CHRNA3: variants seen among roughly 807,000 people sequenced by gnomAD.
CHRNA3 encodes the protein cholinergic receptor nicotinic alpha 3 subunit.
CHRNA3 carries 34 observed loss-of-function variants against 41.9 expected under a neutral mutation model. That is an observed-to-expected ratio of 0.81 (90% CI 0.62 to 1.08). CHRNA3 has a LOEUF of 1.08. Ranked by LOEUF, CHRNA3 falls within the 50% of genes least tolerant of loss-of-function variation. The pLI, the probability that CHRNA3 is intolerant of heterozygous loss-of-function variation, is 0.00. For missense variants in CHRNA3, 542 were observed against 638.3 expected (o/e 0.85, Z 1.63); for synonymous variants, 281 against 265.2 (o/e 1.06, Z -0.58).
intron 4 of CHRNA3, 36 bp from the exon 5 acceptor site, chr15:78,602,300 T>C (rs765399709): frequency 1.7e-5 from 27 of 1,592,182 alleles, no homozygotes; most frequent in Non-Finnish European, 2.3e-5. Flanking sequence ...TGACACACGG[T>C]CATTAACACT....
chr15:78,593,453 T>C, downstream of CHRNA3: 1 of 430,846 alleles, frequency 2.3e-6, no homozygotes, highest in Admixed American at 4.1e-5. Context: ...GAGATACATT[T>C]GATCTTGTAA....
chr15:78,614,717 T>C, intron 4 of CHRNA3, among the ~76,000 whole-genome samples: 1 of 152,194 alleles, frequency 6.6e-6, no homozygotes, highest in East Asian at 1.9e-4. Context: ...TAAATGTAAA[T>C]GTAAAAGGTT....
At chr15:78,595,202 C>T, downstream of CHRNA3, 1 of 779,410 alleles carries the variant, frequency 1.3e-6, no homozygotes, top group Non-Finnish European at 1.6e-6. Flanking sequence ...AGTTCGTATA[C>T]ATCCCTGATC....
downstream of CHRNA3, chr15:78,595,308 C>A (rs201393450): frequency 6.4e-5 from 63 of 985,228 alleles, no homozygotes; most frequent in Admixed American, 1.6e-3. Flanking sequence ...TCACAGCGGG[C>A]TGCAATTCTG....
intron 2 of CHRNA3, 24 bp downstream of exon 2, chr15:78,618,752 C>T (rs913249834): frequency 4.3e-6 from 7 of 1,613,938 alleles, no homozygotes; most frequent in African/African-American, 4.0e-5. Flanking sequence ...CCCATGGCCA[C>T]GGCTCGTGGC....
intron 4 of CHRNA3, 71 bp downstream of exon 4, chr15:78,616,953 A>G: frequency 9.7e-7 from 1 of 1,031,274 alleles, no homozygotes. Context: ...CCAGGTTTTA[A>G]GCACAGTGGG....
intron 2 of CHRNA3, 35 bp downstream of exon 2, chr15:78,618,741 C>T: frequency 6.2e-7 from 1 of 1,614,148 alleles, no homozygotes; most frequent in Non-Finnish European, 8.5e-7. Flanking sequence ...AAGCCCCGGT[C>T]CCCATGGCCA....
chr15:78,620,722 G>A lies in CHRNA3; in HGVS notation c.73C>T (p.Leu25=). The A allele has an allele frequency of 6.8e-7, 1 of 1,473,736 alleles. No individual in the cohort carries two copies. Among genetic ancestry groups the A allele is most frequent in the South Asian group, 1.2e-5 (1 of 80,484 alleles). The allele number at this position is 1,473,736 out of a possible 1,614,324, so 91.3% of individuals were successfully genotyped here. The change falls in exon 1 of 6, where the codon CTG becomes TTG. Residue 25 remains leucine (L), a synonymous_variant. Coordinates refer to ENST00000326828, the MANE Select transcript of CHRNA3 (RefSeq NM_000743.5). ...ACGCCTGTGCGCGTACCTGGCAGCA[G>A]AGACAGCAGCAGCAGCAGCAGCAGC... ...PRLLLLLLLS[L]LPVARASEAE...
intron 4 of CHRNA3, among the ~76,000 whole-genome samples, chr15:78,616,351 C>T (rs1158984686): frequency 1.9e-5 from 2 of 107,068 alleles, no homozygotes; most frequent in Non-Finnish European, 3.8e-5. Context: ...ACTCAGTCTT[C>T]CCCCCCCCAC....
chr15:78,609,634 G>A (rs2053351292), intron 4 of CHRNA3, among the ~76,000 whole-genome samples: 1 of 152,184 alleles, frequency 6.6e-6, no homozygotes, highest in Non-Finnish European at 1.5e-5. Flanking sequence ...ATGCCAAAAT[G>A]TAAAGACCAT....
chr15:78,596,881 CT>C (rs2053122141), intron 5 of CHRNA3, 149 bp from the exon 6 acceptor site: 1 of 1,168,156 alleles, frequency 8.6e-7, no homozygotes, highest in African/African-American at 1.6e-5. Flanking sequence ...TTGATGTGGT[CT>C]GAGGAAATCC....
Position 78,617,038 on chromosome 15 carries a change from A to T in CHRNA3, c.363T>A (p.Ile121=), listed in dbSNP as rs758089338. The T allele has an allele frequency of 6.2e-7, 1 of 1,613,180 alleles. No homozygotes were observed. The highest frequency in any genetic ancestry group is 2.2e-5 in the East Asian group (1 of 44,872). The stretch of plus-strand genomic sequence containing the variant: ...CAGCACCTTACTTGTTATACAGCAC[A>T]ATGTCTGGCTTCCAGATCTTCTGTG... The part of the protein sequence containing the change: ...VPAQKIWKPD[I]VLYNNAVGDF... The change falls in exon 4 of 6, where the codon ATT becomes ATA. Residue 121 remains isoleucine (I), a synonymous_variant. Coordinates refer to ENST00000326828, the MANE Select transcript of CHRNA3 (RefSeq NM_000743.5).
chr15:78,616,959 G>A (rs1202617514), intron 4 of CHRNA3, 65 bp downstream of exon 4: 1 of 1,127,740 alleles, frequency 8.9e-7, no homozygotes, highest in Non-Finnish European at 1.3e-6. Context: ...TTTAAGCACA[G>A]TGGGCCAAAA....
downstream of CHRNA3, chr15:78,593,343 AATTT>A: frequency 1.5e-6 from 2 of 1,297,204 alleles, no homozygotes; most frequent in African/African-American, 1.5e-5. Context: ...TTATGTGTTA[AATTT>A]AGTGCAAGCT....
At chr15:78,613,576 G>A (rs1314719653) in intron 4 of CHRNA3, among the ~76,000 whole-genome samples, 1 of 128,418 alleles carries the variant, frequency 7.8e-6, no homozygotes, top group Non-Finnish European at 1.7e-5. Context: ...GTTGTGGGGT[G>A]GGGGGAGGGG....
intron 4 of CHRNA3, chr15:78,607,492 A>G (rs924720609): frequency 9.2e-5 from 14 of 151,926 alleles, no homozygotes; most frequent in African/African-American, 3.4e-4. Flanking sequence ...CAAAGTCAGG[A>G]GATTGAGACC....
At chr15:78,598,435 C>T (rs2053146150) in intron 5 of CHRNA3, among the ~76,000 whole-genome samples, 1 of 150,744 alleles carries the variant, frequency 6.6e-6, no homozygotes, top group Non-Finnish European at 1.5e-5. Context: ...TGCTTTGTTG[C>T]TCAAGCTGGA....
Position 78,602,282 on chromosome 15 carries a change from G to A in CHRNA3, c.378-18C>T, listed in dbSNP as rs542582690. The A allele has an allele frequency of 6.2e-7, 1 of 1,608,032 alleles. No homozygotes were observed. Among genetic ancestry groups the A allele is most frequent in the Admixed American group, 1.7e-5 (1 of 59,640 alleles). The stretch of plus-strand genomic sequence containing the variant: ...CAACAGCACTGCAAAGACAAAGAGG[G>A]GGCACAGTGACACACGGTCATTAAC... On this transcript the variant is annotated intron_variant, in intron 4 of 5. Coordinates refer to ENST00000326828, the MANE Select transcript of CHRNA3 (RefSeq NM_000743.5).
chr15:78,612,817 T>TCA (rs1052697090), intron 4 of CHRNA3, among the ~76,000 whole-genome samples: 8 of 145,560 alleles, frequency 5.5e-5, no homozygotes, highest in Non-Finnish European at 1.2e-4. Context: ...CACAACCTAC[T>TCA]CATCTGACAA....
Sources: allele counts gnomAD v4.1 joint callset (sites outside exome capture counted in the v4.1 genomes callset), GRCh38; gene constraint gnomAD v4.1.1; transcripts MANE v1.5; gene names NCBI Gene and HGNC (gene_info 2026-07-23, HGNC 2026-07-21).